Variants in ACTR3C observed in about 807,000 individuals in gnomAD.
ACTR3C encodes actin-related protein 3C.
ACTR3C carries 18 observed loss-of-function variants against 26.3 expected under a neutral mutation model. The observed-to-expected ratio is 0.68, with a 90% CI of 0.47 to 1.01. The LOEUF is 1.01. ACTR3C is among the 50% of genes least tolerant of loss of function. ACTR3C has a pLI of 0.00. For synonymous variants in ACTR3C, 55 were observed against 94.5 expected, an observed-to-expected ratio of 0.58 and a Z score of 2.42; for missense variants, 184 against 250.7, an observed-to-expected ratio of 0.73 and a Z score of 1.80.
At chr7:150,051,239 A>G in the ACTR3C span, among the ~76,000 whole-genome samples, 1 of 152,074 alleles carries the variant, frequency 6.6e-6, no homozygotes, top group African/African-American at 2.4e-5. Context: ...GGTCCCACAT[A>G]TAAAAGAATA....
chr7:150,080,333 C>T, the ACTR3C span, among the ~76,000 whole-genome samples: 11 of 150,998 alleles, frequency 7.3e-5, no homozygotes, highest in Non-Finnish European at 1.5e-4. Flanking sequence ...CTCTCATCTG[C>T]ATCTTCACCC....
chr7:150,070,146 A>C, the ACTR3C span, among the ~76,000 whole-genome samples: 1 of 152,204 alleles, frequency 6.6e-6, no homozygotes, highest in African/African-American at 2.4e-5. Flanking sequence ...GTTATGATGC[A>C]GGAGCTCGCG....
the ACTR3C span, among the ~76,000 whole-genome samples, chr7:150,234,915 A>G: frequency 1.3e-5 from 2 of 152,164 alleles, no homozygotes; most frequent in Non-Finnish European, 2.9e-5. Context: ...CTATCATGCT[A>G]TAAGCAGCAA....
At chr7:149,884,882 G>T in the ACTR3C span, among the ~76,000 whole-genome samples, 4,469 of 152,270 alleles carry the variant, frequency 0.029, 205 homozygotes, top group African/African-American at 0.093. Context: ...GCACCCTATG[G>T]GTTTAGGGGA....
At chr7:149,956,866 T>C in the ACTR3C span, among the ~76,000 whole-genome samples, 7 of 152,230 alleles carry the variant, frequency 4.6e-5, no homozygotes, top group East Asian at 1.9e-4. Flanking sequence ...GAGGATCTGA[T>C]GGATATCTTC....
At chr7:149,964,642 T>C in the ACTR3C span, among the ~76,000 whole-genome samples, 23 of 152,360 alleles carry the variant, frequency 1.5e-4, no homozygotes, top group East Asian at 3.9e-3. Flanking sequence ...TCTAGTCAGT[T>C]ACTTGTTTCC....
At chr7:150,224,755 G>A in the ACTR3C span, among the ~76,000 whole-genome samples, 1 of 152,168 alleles carries the variant, frequency 6.6e-6, no homozygotes, top group Non-Finnish European at 1.5e-5. Flanking sequence ...GGAGTGAGGA[G>A]TTGTGTTCCA....
the ACTR3C span, among the ~76,000 whole-genome samples, chr7:150,215,154 G>T: frequency 6.6e-6 from 1 of 151,652 alleles, no homozygotes; most frequent in Non-Finnish European, 1.5e-5. Flanking sequence ...AGAAATAGAA[G>T]GTAAGAAGGC....
chr7:150,005,608 TGAG>T, the ACTR3C span, among the ~76,000 whole-genome samples: 1 of 151,802 alleles, frequency 6.6e-6, no homozygotes, highest in African/African-American at 2.4e-5. Flanking sequence ...GGCCATGTGG[TGAG>T]GGGGGGAAGA....
the ACTR3C span, among the ~76,000 whole-genome samples, chr7:150,222,352 G>C: frequency 1.3e-5 from 2 of 152,192 alleles, no homozygotes; most frequent in Non-Finnish European, 2.9e-5. Context: ...ACATTTGTAA[G>C]GTCGGTGTTA....
chr7:150,228,788 T>A, the ACTR3C span, among the ~76,000 whole-genome samples: 8 of 150,296 alleles, frequency 5.3e-5, no homozygotes, highest in Admixed American at 5.3e-4. Flanking sequence ...TATAAAAAAA[T>A]TTAAAAATAC....
At chr7:149,900,464 C>T in the ACTR3C span, among the ~76,000 whole-genome samples, 8 of 151,754 alleles carry the variant, frequency 5.3e-5, no homozygotes, top group East Asian at 3.9e-4. Context: ...CATAAGCCAC[C>T]GTGCCCTGCC....
At chr7:150,267,204 A>G (rs1158712219) in intron 6 of ACTR3C, among the ~76,000 whole-genome samples, 1 of 152,266 alleles carries the variant, frequency 6.6e-6, no homozygotes, top group Non-Finnish European at 1.5e-5. Flanking sequence ...GAAGCCGGAA[A>G]CAGAGAACAC....
chr7:150,048,660 C>T, the ACTR3C span, among the ~76,000 whole-genome samples: 17 of 150,672 alleles, frequency 1.1e-4, no homozygotes, highest in East Asian at 1.4e-3. Flanking sequence ...GCCACGCACG[C>T]GCTGCGGCGC....
chr7:150,005,020 G>A, the ACTR3C span: 5 of 152,308 alleles, frequency 3.3e-5, no homozygotes, highest in African/African-American at 9.6e-5. Context: ...TGCCAACTGC[G>A]AATATCCTGA....
the ACTR3C span, among the ~76,000 whole-genome samples, chr7:149,898,187 G>T: frequency 6.6e-6 from 1 of 152,046 alleles, no homozygotes; most frequent in African/African-American, 2.4e-5. Context: ...AAGTCTTGTG[G>T]GCCACGACGA....
chr7:149,971,393 C>T, the ACTR3C span, among the ~76,000 whole-genome samples: 4 of 152,276 alleles, frequency 2.6e-5, no homozygotes, highest in African/African-American at 9.6e-5. Flanking sequence ...GGATTGACTG[C>T]CAGGCCTGGA....
the ACTR3C span, among the ~76,000 whole-genome samples, chr7:149,902,954 AAAG>A: frequency 3.5e-4 from 9 of 25,480 alleles, 1 homozygote; most frequent in Admixed American, 7.1e-4. Flanking sequence ...AAAAAAAAAG[AAAG>A]AAAGAGTACA....
intron 1 of ACTR3C, among the ~76,000 whole-genome samples, chr7:150,318,046 T>G (rs1448478771): frequency 6.6e-6 from 1 of 152,138 alleles, no homozygotes; most frequent in African/African-American, 2.4e-5. Context: ...CTCAATGGGA[T>G]GATGTCGGGA....
Sources: allele counts gnomAD v4.1 joint callset (sites outside exome capture counted in the v4.1 genomes callset), GRCh38; gene constraint gnomAD v4.1.1; transcripts MANE v1.5; gene names NCBI Gene and HGNC (gene_info 2026-07-23, HGNC 2026-07-21).